SSH2: variants seen among roughly 807,000 people sequenced by gnomAD.
The protein encoded by SSH2 is slingshot protein phosphatase 2.
Under a neutral mutation model 135.2 loss-of-function variants are expected in SSH2, and 37 were observed. That is an observed-to-expected ratio of 0.27 (90% CI 0.21 to 0.36). The LOEUF (loss-of-function observed/expected upper bound fraction) is 0.36. Among genes scored for constraint, SSH2 ranks in the 10% least tolerant of loss-of-function variants. The pLI, the probability that SSH2 is intolerant of heterozygous loss-of-function variation, is 1.00. For missense variants in SSH2, 1,408 were observed against 1,765.3 expected (o/e 0.80, Z 3.63); for synonymous variants, 628 against 646.2 (o/e 0.97, Z 0.43).
intron 1 of SSH2, among the ~76,000 whole-genome samples, chr17:29,926,254 A>G (rs1421747910): frequency 2.0e-5 from 3 of 151,950 alleles, no homozygotes; most frequent in African/African-American, 4.8e-5. Flanking sequence ...TTTTCTTAAA[A>G]TAGGCCAGGT....
At chr17:29,866,924 C>T (rs72825832) in intron 1 of SSH2, among the ~76,000 whole-genome samples, 1,713 of 152,130 alleles carry the variant, frequency 0.011, 19 homozygotes, top group Non-Finnish European at 0.019. Context: ...ACTCCATCAC[C>T]AGGGCTCACA....
intron 1 of SSH2, among the ~76,000 whole-genome samples, chr17:29,869,012 GC>G (rs2065900360): frequency 6.6e-6 from 1 of 152,158 alleles, no homozygotes; most frequent in Non-Finnish European, 1.5e-5. Context: ...AAAGATTCTA[GC>G]CATAAAATAG....
At chr17:29,905,478 G>A (rs1393859320) in intron 1 of SSH2, among the ~76,000 whole-genome samples, 1 of 152,208 alleles carries the variant, frequency 6.6e-6, no homozygotes. Flanking sequence ...CACCCAAGTT[G>A]TAGCTGCAGG....
At chr17:29,743,481 C>A (rs964554457) in intron 3 of SSH2, among the ~76,000 whole-genome samples, 4 of 151,874 alleles carry the variant, frequency 2.6e-5, no homozygotes, top group Non-Finnish European at 5.9e-5. Flanking sequence ...GGGCATATGG[C>A]CTTCCTGAGA....
intron 3 of SSH2, among the ~76,000 whole-genome samples, chr17:29,731,951 C>G (rs1329146682): frequency 6.6e-6 from 1 of 151,978 alleles, no homozygotes; most frequent in African/African-American, 2.4e-5. Context: ...CAGTGCTGGT[C>G]AATTAAAAAA....
intron 3 of SSH2, among the ~76,000 whole-genome samples, chr17:29,747,023 T>C (rs1466345692): frequency 1.3e-5 from 2 of 152,218 alleles, no homozygotes; most frequent in Non-Finnish European, 2.9e-5. Flanking sequence ...TATCCTGTTA[T>C]GGATCACGAA....
chr17:29,662,149 T>C (rs1416790318), intron 11 of SSH2, among the ~76,000 whole-genome samples: 3 of 152,236 alleles, frequency 2.0e-5, no homozygotes, highest in African/African-American at 7.2e-5. Context: ...CTTTGGACTA[T>C]AATACATTTT....
At chr17:29,701,598 T>C (rs913996399) in intron 4 of SSH2, among the ~76,000 whole-genome samples, 1 of 151,772 alleles carries the variant, frequency 6.6e-6, no homozygotes, top group Non-Finnish European at 1.5e-5. Flanking sequence ...TGAAGTGGAG[T>C]CTTGCTCTGT....
chr17:29,692,355 G>T (rs994416567), intron 5 of SSH2, among the ~76,000 whole-genome samples: 8 of 152,104 alleles, frequency 5.3e-5, no homozygotes, highest in Non-Finnish European at 1.5e-5. Flanking sequence ...TTTTCTTGAA[G>T]ATGACTCACT....
chr17:29,674,222 C>A, intron 8 of SSH2: 1 of 452,028 alleles, frequency 2.2e-6, no homozygotes, highest in South Asian at 1.6e-5. Context: ...ATGTGTCAGT[C>A]CATTTTTATT....
chr17:29,754,698 GCT>G (rs2041058703), intron 3 of SSH2, among the ~76,000 whole-genome samples: 2 of 151,982 alleles, frequency 1.3e-5, no homozygotes, highest in African/African-American at 4.8e-5. Context: ...ACAGGGTTTT[GCT>G]CTGTTGCCCA....
intron 1 of SSH2, among the ~76,000 whole-genome samples, chr17:29,880,332 T>A (rs1033995860): frequency 6.6e-6 from 1 of 152,064 alleles, no homozygotes; most frequent in African/African-American, 2.4e-5. Flanking sequence ...CCTAGGCTGG[T>A]CTCAAACTAT....
At chr17:29,802,192 CTCAT>C (rs562143681) in intron 2 of SSH2, among the ~76,000 whole-genome samples, 1 of 151,444 alleles carries the variant, frequency 6.6e-6, no homozygotes, top group Non-Finnish European at 1.5e-5. Context: ...TTCATTCATT[CTCAT>C]TCATTCATTC....
At chr17:29,880,361 G>A (rs1049646675) in intron 1 of SSH2, among the ~76,000 whole-genome samples, 5 of 152,116 alleles carry the variant, frequency 3.3e-5, no homozygotes, top group East Asian at 3.9e-4. Context: ...GGCTGGTCTC[G>A]AACTCCTACA....
At position 29,913,341 on chromosome 17, in the gene SSH2, A is replaced by AT. The variant is rs2066803402; in HGVS notation, c.63+16596_63+16597insA. On this transcript the variant is annotated intron_variant, in intron 1 of 15. Transcript: ENST00000540801. The stretch of plus-strand genomic sequence containing the variant: ...TCAAAAAAAAAAAAAAAAAAAAAAA[A>AT]AAAAAAATATATATATATATATATA... Among the ~76,000 whole-genome samples the AT allele has an allele frequency of 4.2e-5, 2 of 47,682 alleles. 1 individual carries two copies. The highest frequency in any genetic ancestry group is 8.9e-5 in the Non-Finnish European group (2 of 22,574). 31.3% of individuals were successfully genotyped at this position (47,682 alleles called of 152,430 possible).
intron 3 of SSH2, chr17:29,761,243 G>A (rs565661312): frequency 1.6e-6 from 2 of 1,289,554 alleles, no homozygotes; most frequent in South Asian, 2.5e-5. Context: ...AGCGAGGGGC[G>A]CCTTCCTCTT....
At chr17:29,672,160 A>T in intron 8 of SSH2, 31 bp from the exon 9 acceptor site, 1 of 1,584,906 alleles carries the variant, frequency 6.3e-7, no homozygotes, top group Non-Finnish European at 8.6e-7. Context: ...TGAGCACCAT[A>T]GAACTGTGGG....
intron 3 of SSH2, among the ~76,000 whole-genome samples, chr17:29,753,858 A>C (rs2151236975): frequency 6.6e-6 from 1 of 152,196 alleles, no homozygotes; most frequent in Non-Finnish European, 1.5e-5. Flanking sequence ...TATATGTATC[A>C]AATTTTTAAC....
At chr17:29,829,752 A>C (rs1247571053) in intron 2 of SSH2, among the ~76,000 whole-genome samples, 1 of 152,066 alleles carries the variant, frequency 6.6e-6, no homozygotes, top group Non-Finnish European at 1.5e-5. Context: ...AAGACAGGCA[A>C]ATATTTTTAA....
Sources: gnomAD v4.1 joint callset for allele counts (sites outside exome capture counted in the v4.1 genomes callset) on GRCh38, gnomAD v4.1.1 for gene constraint, MANE v1.5 for transcripts, NCBI Gene and HGNC (gene_info 2026-07-23, HGNC 2026-07-21) for gene names.